The following RB1CC1 variants were observed in gnomAD, a reference collection of about 807,000 sequenced individuals.
RB1CC1 encodes RB1 inducible coiled-coil 1, also known as RB1-inducible coiled-coil protein 1.
RB1CC1 carries 46 observed loss-of-function variants against 177.5 expected under a neutral mutation model. The ratio of observed to expected loss-of-function variants is 0.26; its 90% confidence interval spans 0.20 to 0.33. The LOEUF is 0.33. Among genes scored for constraint, RB1CC1 ranks in the 10% least tolerant of loss-of-function variants. The pLI is 1.00. For synonymous variants in RB1CC1, 666 were observed against 613.6 expected (o/e 1.09, Z -1.26); for missense variants, 1,703 against 1,816.3 (o/e 0.94, Z 1.13).
Position 52,645,797 on chromosome 8 carries a change from C to T in RB1CC1, c.3892G>A (p.Glu1298Lys). The T allele has an allele frequency of 6.2e-7, 1 of 1,609,434 alleles. No individual in the cohort carries two copies. The highest frequency in any genetic ancestry group is 8.5e-7 in the Non-Finnish European group (1 of 1,178,562). Residue 1298 changes from glutamate to lysine, a missense_variant, in exon 16 of 24, where the codon GAA becomes AAA. Transcript: ENST00000025008. ...AGTTGTTCTAGAAACTTAGCTTTTT[C>T]TTCCTGAAGCTTTTCTTGAAGTTCA... The part of the protein sequence containing the change: ...VAELQEKLQE[E>K]KAKFLEQLEE...
chr8:52,642,400 C>T lies in RB1CC1; in HGVS notation c.4288G>A (p.Asp1430Asn). 6.2e-7 allele frequency: 1 copy of T among 1,614,138 alleles called. No individual in the cohort carries two copies. The highest frequency in any genetic ancestry group is 8.5e-7 in the Non-Finnish European group (1 of 1,179,984). ...ESDRSAVETA[D>N]EGRVDSAMET... is the part of the protein sequence containing the mutation. ...ATTGCTGAATCCACTCTTCCTTCAT[C>T]TGCTGTTTCCACAGCGGATCTATCT... Residue 1430 changes from aspartate to asparagine, a missense_variant, in exon 18 of 24, where the codon GAT (aspartate) becomes AAT (asparagine). This residue lies in a region of RB1CC1 where 1,169 missense variants were observed against 1,184.7 expected (regional missense o/e 0.99). Transcript: ENST00000025008.
At chr8:52,642,641 T>G in intron 17 of RB1CC1, 50 bp from the exon 18 acceptor site, 1 of 1,596,760 alleles carries the variant, frequency 6.3e-7, no homozygotes, top group South Asian at 1.1e-5. Flanking sequence ...AAAAAACCAC[T>G]TTGCATGAAT....
At chr8:52,689,813 C>T (rs113955714) in intron 1 of RB1CC1, among the ~76,000 whole-genome samples, 32 of 152,218 alleles carry the variant, frequency 2.1e-4, no homozygotes, top group East Asian at 7.7e-4. Context: ...CCTGCCCTAG[C>T]CTCATACACA....
intron 1 of RB1CC1, among the ~76,000 whole-genome samples, chr8:52,713,156 T>G (rs894824607): frequency 6.6e-6 from 1 of 152,224 alleles, no homozygotes; most frequent in African/African-American, 2.4e-5. Flanking sequence ...ACTTTAAATG[T>G]TTGCAGCAGA....
rs1848137193 is a variant in RB1CC1, at chr8:52,622,662, A to G, written c.*1120T>C. 6.6e-6 allele frequency: 1 copy of G among 152,026 alleles called. No homozygotes were observed. Among genetic ancestry groups the G allele is most frequent in the Admixed American group, 6.6e-5 (1 of 15,216 alleles). 9.4% of individuals were successfully genotyped at this position (152,026 alleles called of 1,614,324 possible). On this transcript the variant is annotated 3_prime_UTR_variant, in exon 24 of 24. Transcript: ENST00000025008. ...CCTCAAACAATTCTCATCCAACTCA[A>G]CTAACTCATTTAAATAACTTTGCTC...
chr8:52,657,485 C>G lies in RB1CC1; in HGVS notation c.2344G>C (p.Val782Leu). 6.2e-6 allele frequency: 10 copies of G among 1,613,792 alleles called. No individual in the cohort carries two copies. Among genetic ancestry groups the G allele is most frequent in the Non-Finnish European group, 8.5e-6 (10 of 1,179,996 alleles). Residue 782 changes from valine (V) to leucine (L), a missense_variant, in exon 15 of 24, where the codon GTA becomes CTA. Physicochemically the swap from Val to Leu is conservative, Grantham distance 32. Coordinates refer to ENST00000025008, the MANE Select transcript of RB1CC1 (RefSeq NM_014781.5). Reference protein sequence around the residue: ...IDSRRMQDTNVCGKEDFGDHT... With the variant: ...IDSRRMQDTNLCGKEDFGDHT... The stretch of plus-strand genomic sequence containing the variant: ...TCTCCAAAATCCTCCTTACCACATA[C>G]ATTTGTATCCTGCATTCGTCTACTG...
chr8:52,710,474 A>AT (rs891764141), intron 1 of RB1CC1, among the ~76,000 whole-genome samples: 1 of 152,300 alleles, frequency 6.6e-6, no homozygotes, highest in Admixed American at 6.5e-5. Context: ...TACAGGAAAT[A>AT]TGTGTATATT....
At chr8:52,708,042 G>T (rs35452092) in intron 1 of RB1CC1, among the ~76,000 whole-genome samples, 1 of 152,150 alleles carries the variant, frequency 6.6e-6, no homozygotes, top group African/African-American at 2.4e-5. Flanking sequence ...CTTTAAAAAT[G>T]GTGGCAATTA....
chr8:52,693,797 A>G (rs565658438), intron 1 of RB1CC1, among the ~76,000 whole-genome samples: 7 of 152,142 alleles, frequency 4.6e-5, no homozygotes, highest in Admixed American at 4.6e-4. Flanking sequence ...GGGTGGGAGG[A>G]GGGACAGCAT....
intron 5 of RB1CC1, among the ~76,000 whole-genome samples, chr8:52,681,330 C>G (rs1853700795): frequency 6.6e-6 from 1 of 152,122 alleles, no homozygotes; most frequent in African/African-American, 2.4e-5. Flanking sequence ...TGAAAATTCA[C>G]TAAGAATGGA....
intron 5 of RB1CC1, among the ~76,000 whole-genome samples, chr8:52,679,867 C>A (rs930855199): frequency 6.6e-6 from 1 of 151,822 alleles, no homozygotes; most frequent in Non-Finnish European, 1.5e-5. Context: ...TACATACTTG[C>A]AAAAAGCCAA....
chr8:52,660,636 C>T lies in RB1CC1; in HGVS notation c.1649G>A (p.Arg550His), dbSNP rs1409224157. 3 of 1,598,152 alleles carry T rather than the reference C, an allele frequency of 1.9e-6. No individual in the cohort carries two copies. Among genetic ancestry groups the T allele is most frequent in the Non-Finnish European group, 2.6e-6 (3 of 1,175,226 alleles). The change falls in exon 12 of 24, where the codon CGT (arginine) becomes CAT (histidine). Residue 550 changes from arginine (R) to histidine (H), a missense_variant. Physicochemically the swap from Arg to His is conservative, Grantham distance 29 (BLOSUM62 0). Coordinates refer to ENST00000025008, the MANE Select transcript of RB1CC1 (RefSeq NM_014781.5). ...CCAGGAGTCCAGTCCCCTAAACAGACGATTTCTTAAAAAAGACTTCCCTGT... is the reference window on the plus strand; with the variant it reads ...CCAGGAGTCCAGTCCCCTAAACAGATGATTTCTTAAAAAAGACTTCCCTGT... ...KLFRKSFLRN[R>H]LFRGLDSWPP...
rs779536105 is a variant in RB1CC1, at chr8:52,656,372, C to A, written c.3457G>T (p.Ala1153Ser). 1.2e-5 allele frequency: 20 copies of A among 1,610,780 alleles called. No individual in the cohort carries two copies. Among genetic ancestry groups the A allele is most frequent in the Admixed American group, 5.0e-5 (3 of 59,472 alleles). ...AAAGATGTTACTTTGTTTAATTCAG[C>A]TTTAAGTATATTAGATTCTTCTTCA... ...RHEEESNILKAELNKVTSLHN... is the reference protein window; with the variant it reads ...RHEEESNILKSELNKVTSLHN... The change falls in exon 15 of 24, where the codon GCT (alanine) becomes TCT (serine). Residue 1153 changes from alanine to serine, a missense_variant. Coordinates refer to ENST00000025008, the MANE Select transcript of RB1CC1 (RefSeq NM_014781.5).
At position 52,660,947 on chromosome 8, in the gene RB1CC1, C is replaced by T. The variant is rs1308260597; in HGVS notation, c.1606G>A (p.Glu536Lys). The T allele has an allele frequency of 6.2e-7, 1 of 1,611,986 alleles. No individual in the cohort carries two copies. The highest frequency in any genetic ancestry group is 8.5e-7 in the Non-Finnish European group (1 of 1,178,788). ...TTACTAAATAATTTCCCAAAGGATT[C>T]CCTTTTTGATTTTTCTGCTTCATAT... is the stretch of plus-strand genomic sequence containing the variant. ...RLYEAEKSKRESFGKLFRKSF... is the reference protein window; with the variant it reads ...RLYEAEKSKRKSFGKLFRKSF... Residue 536 changes from glutamate to lysine, a missense_variant, in exon 11 of 24, where the codon GAA (glutamate) becomes AAA (lysine). Physicochemically the swap from Glu to Lys is moderately conservative, Grantham distance 56. Coordinates refer to ENST00000025008, the MANE Select transcript of RB1CC1 (RefSeq NM_014781.5).
intron 9 of RB1CC1, 42 bp from the exon 10 acceptor site, chr8:52,661,323 G>C: frequency 6.3e-7 from 1 of 1,595,578 alleles, no homozygotes; most frequent in Non-Finnish European, 8.5e-7. Context: ...CACAAAACTG[G>C]TACTAACTTA....
At chr8:52,655,273 G>T (rs573328575) in intron 15 of RB1CC1, among the ~76,000 whole-genome samples, 1 of 152,234 alleles carries the variant, frequency 6.6e-6, no homozygotes, top group Admixed American at 6.5e-5. Context: ...GCAAGACACA[G>T]GTTGAAATAT....
chr8:52,712,914 C>T (rs963543487), intron 1 of RB1CC1, among the ~76,000 whole-genome samples: 4 of 152,180 alleles, frequency 2.6e-5, no homozygotes, highest in African/African-American at 9.7e-5. Flanking sequence ...AAATCAGCCA[C>T]CTCCCTCAGT....
chr8:52,634,836 C>T (rs908094048), intron 20 of RB1CC1, 85 bp downstream of exon 20: 3 of 1,157,566 alleles, frequency 2.6e-6, no homozygotes, highest in African/African-American at 3.1e-5. Context: ...AAGCATACAT[C>T]CTCTGATGGA....
chr8:52,707,741 C>A (rs753081989), intron 1 of RB1CC1, among the ~76,000 whole-genome samples: 6 of 152,202 alleles, frequency 3.9e-5, no homozygotes, highest in Non-Finnish European at 8.8e-5. Context: ...CAGCTACACT[C>A]TCTTTGTCAC....
Sources: gnomAD v4.1 joint callset for allele counts (sites outside exome capture counted in the v4.1 genomes callset) on GRCh38, gnomAD v4.1.1 for gene constraint, gnomAD v4.1.1 regional missense constraint, MANE v1.5 for transcripts, NCBI Gene and HGNC (gene_info 2026-07-23, HGNC 2026-07-21) for gene names.